MTO1: variants seen among roughly 807,000 people sequenced by gnomAD.
MTO1 encodes mitochondrial tRNA translation optimization 1, also known as 5-taurinomethyluridine-[tRNA] synthase subunit MTO1, mitochondrial.
A neutral mutation model predicts 71.6 loss-of-function variants in MTO1; 46 were observed. That is an observed-to-expected ratio of 0.64 (90% confidence interval 0.51 to 0.82). The LOEUF (loss-of-function observed/expected upper bound fraction) is 0.82, where lower values mean the gene tolerates loss of function less well. Among genes scored for constraint, MTO1 ranks in the 40% least tolerant of loss-of-function variants. The pLI, the probability that MTO1 is intolerant of heterozygous loss-of-function variation, is 0.00. For missense variants in MTO1, 773 were observed against 867.5 expected (o/e 0.89, Z 1.37); for synonymous variants, 297 against 312.1 (o/e 0.95, Z 0.51).
Position 73,466,327 on chromosome 6 carries a change from A to C in MTO1, c.336A>C (p.Lys112Asn), listed in dbSNP as rs768224124. 2.5e-6 allele frequency: 4 copies of C among 1,614,200 alleles called. No homozygotes were observed. The South Asian group carries it at 4.4e-5, about 18-fold the overall frequency. ...RICDQSGVHY[K>N]VLNRRKGPAV... is the part of the protein sequence containing the mutation. ...GTGACCAGTCTGGTGTACATTATAAAGTATTAAACCGGCGTAAGGGACCAG... is the reference window on the plus strand; with the variant it reads ...GTGACCAGTCTGGTGTACATTATAACGTATTAAACCGGCGTAAGGGACCAG... Residue 112 changes from lysine to asparagine, a missense_variant, in exon 2 of 12, where the codon AAA becomes AAC. By Grantham distance (94) the Lys-to-Asn change is moderately conservative (BLOSUM62 0). Transcript: ENST00000498286.
intron 9 of MTO1, among the ~76,000 whole-genome samples, chr6:73,491,811 C>G (rs1771814809): frequency 6.6e-6 from 1 of 152,212 alleles, no homozygotes; most frequent in African/African-American, 2.4e-5. Context: ...CATTTGCTCA[C>G]TATACTTAGA....
At chr6:73,482,759 T>C (rs1387517453) in intron 9 of MTO1, 139 bp downstream of exon 9, 2 of 568,254 alleles carry the variant, frequency 3.5e-6, no homozygotes, top group African/African-American at 3.9e-5. Context: ...CTTTTCAAAA[T>C]CCGTTAGCTG....
chr6:73,488,651 T>C (rs1258925963), intron 9 of MTO1, among the ~76,000 whole-genome samples: 1 of 151,920 alleles, frequency 6.6e-6, no homozygotes, highest in Non-Finnish European at 1.5e-5. Context: ...AGCTTGTGCC[T>C]GTAATTTCAG....
At chr6:73,470,203 T>G (rs1771110248) in intron 3 of MTO1, among the ~76,000 whole-genome samples, 1 of 150,972 alleles carries the variant, frequency 6.6e-6, no homozygotes, top group Non-Finnish European at 1.5e-5. Context: ...TTTATTTTTA[T>G]TTTTTCTTTT....
intron 3 of MTO1, among the ~76,000 whole-genome samples, chr6:73,472,098 C>T (rs1771174691): frequency 6.6e-6 from 1 of 152,148 alleles, no homozygotes. Flanking sequence ...AGTTCTTATT[C>T]TCAGTTCTCT....
At position 73,504,368 on chromosome 6, in the gene MTO1, T is replaced by G. The variant is rs556038911; in HGVS notation, c.*3633T>G. The G allele has an allele frequency of 1.3e-5, 2 of 152,360 alleles. No individual in the cohort carries two copies. Among genetic ancestry groups the G allele is most frequent in the African/African-American group, 4.8e-5 (2 of 41,570 alleles). 9.4% of individuals were successfully genotyped at this position (152,360 alleles called of 1,614,324 possible). On this transcript the variant is annotated 3_prime_UTR_variant, in exon 12 of 12. Transcript: ENST00000498286. The stretch of plus-strand genomic sequence containing the variant: ...CTGGTCTCAAAGTCCTGGGCTCAAT[T>G]AATCCTCCCTCTTCAGCCTCCTGTG...
rs761615525 is a variant in MTO1 at position 73,462,078 on chromosome 6, A to T, written c.217+7A>T. The T allele has an allele frequency of 1.9e-6, 3 of 1,612,102 alleles. No homozygotes were observed. Among genetic ancestry groups the T allele is most frequent in the East Asian group, 2.2e-5 (1 of 44,850 alleles). On this transcript the variant is annotated splice_region_variant and intron_variant, in intron 1 of 11. Transcript: ENST00000498286. Reference sequence around the variant, plus strand: ...CACCGCGTGGACACGATCGGTGAGGAGCGCGGGTGCTGTGGAACTTGGCGT... The same window carrying T: ...CACCGCGTGGACACGATCGGTGAGGTGCGCGGGTGCTGTGGAACTTGGCGT...
chr6:73,477,093 T>A (rs78128297), intron 4 of MTO1, among the ~76,000 whole-genome samples: 10,014 of 150,274 alleles, frequency 0.067, 459 homozygotes, highest in East Asian at 0.19. Context: ...GACCAAAAAA[T>A]TTTTTTAAAG....
Position 73,497,825 on chromosome 6 carries a change from T to A in MTO1, c.1846T>A (p.Tyr616Asn). 6.2e-7 allele frequency: 1 copy of A among 1,613,950 alleles called. No individual in the cohort carries two copies. The highest frequency in any genetic ancestry group is 1.3e-5 in the African/African-American group (1 of 75,046). Residue 616 changes from tyrosine (Y) to asparagine (N), a missense_variant, in exon 11 of 12, where the codon TAT (tyrosine) becomes AAT (asparagine). Coordinates refer to ENST00000498286, the MANE Select transcript of MTO1 (RefSeq NM_012123.4). ...TCTCCAACTGCCAAAAGACCTAGAT[T>A]ATTTGACTATCAGGGATGTGTCTTT... ...EALQLPKDLD[Y>N]LTIRDVSLSH...
In MTO1 at chr6:73,492,263, T is replaced by G. The variant is rs185347132; in HGVS notation, c.1667T>G (p.Val556Gly). 6.2e-7 allele frequency: 1 copy of G among 1,613,604 alleles called. No homozygotes were observed. The highest frequency in any genetic ancestry group is 1.3e-5 in the African/African-American group (1 of 74,924). Reference sequence around the variant, plus strand: ...CTCGATGTTCTGAAGTATGAGGAAGTTGACATGGATTCATTAGCCAAGGCT... The same window carrying G: ...CTCGATGTTCTGAAGTATGAGGAAGGTGACATGGATTCATTAGCCAAGGCT... ...RALDVLKYEEVDMDSLAKAVP... is the reference protein window; with the variant it reads ...RALDVLKYEEGDMDSLAKAVP... Residue 556 changes from valine to glycine, a missense_variant, in exon 10 of 12, where the codon GTT becomes GGT. Val to Gly is a moderately radical substitution (Grantham distance 109). Coordinates refer to ENST00000498286, the MANE Select transcript of MTO1 (RefSeq NM_012123.4).
chr6:73,498,834 C>T (rs1390587743), intron 11 of MTO1, among the ~76,000 whole-genome samples: 3 of 152,006 alleles, frequency 2.0e-5, no homozygotes, highest in Admixed American at 2.0e-4. Context: ...AAGCGATTCC[C>T]CTACCTCAGC....
At chr6:73,493,588 A>G (rs1265371016) in intron 10 of MTO1, among the ~76,000 whole-genome samples, 5 of 151,286 alleles carry the variant, frequency 3.3e-5, no homozygotes, top group Non-Finnish European at 5.9e-5. Context: ...ACAGGGTTTC[A>G]TCACATTGGC....
intron 9 of MTO1, among the ~76,000 whole-genome samples, chr6:73,485,931 C>T (rs1239970316): frequency 5.4e-5 from 8 of 147,206 alleles, no homozygotes; most frequent in African/African-American, 1.5e-4. Context: ...TGCACCTATG[C>T]GTAACACATA....
chr6:73,464,406 T>C (rs896439689), intron 1 of MTO1, among the ~76,000 whole-genome samples: 10 of 152,042 alleles, frequency 6.6e-5, no homozygotes, highest in African/African-American at 2.4e-4. Flanking sequence ...AGATATCTCT[T>C]TCACACACAC....
At chr6:73,490,230 T>C (rs2150041366) in intron 9 of MTO1, among the ~76,000 whole-genome samples, 1 of 152,172 alleles carries the variant, frequency 6.6e-6, no homozygotes, top group East Asian at 1.9e-4. Flanking sequence ...TTTCTCCCAT[T>C]CTGTAGGTTG....
rs1048805060 is a variant in MTO1, at chr6:73,507,791, C to T, written c.*7056C>T. Reference sequence around the variant, plus strand: ...AGGAAATAGAGACCATCCTGGCTAACATGGTGAAACCCCGTGTCTACTAAA... The same window carrying T: ...AGGAAATAGAGACCATCCTGGCTAATATGGTGAAACCCCGTGTCTACTAAA... On this transcript the variant is annotated 3_prime_UTR_variant, in exon 12 of 12. Coordinates refer to ENST00000498286, the MANE Select transcript of MTO1 (RefSeq NM_012123.4). 11 of 152,214 alleles carry T rather than the reference C, an allele frequency of 7.2e-5. No individual in the cohort carries two copies. Among genetic ancestry groups the T allele is most frequent in the Admixed American group, 1.3e-4 (2 of 15,268 alleles). 9.4% of individuals were successfully genotyped at this position (152,214 alleles called of 1,614,324 possible).
At chr6:73,462,579 A>C (rs1770857254) in intron 1 of MTO1, among the ~76,000 whole-genome samples, 1 of 151,952 alleles carries the variant, frequency 6.6e-6, no homozygotes, top group South Asian at 2.1e-4. Context: ...AAATACAAAA[A>C]TTAGCCGGGC....
intron 1 of MTO1, chr6:73,462,316 G>A (rs2150024784): frequency 1.2e-5 from 7 of 565,608 alleles, no homozygotes; most frequent in South Asian, 9.2e-5. Flanking sequence ...GGAGGTTGGG[G>A]TTCGGGGTCA....
chr6:73,466,394 A>G lies in MTO1; in HGVS notation c.403A>G (p.Lys135Glu), dbSNP rs778681472. Residue 135 changes from lysine to glutamate, a missense_variant, in exon 2 of 12, where the codon AAA (lysine) becomes GAA (glutamate). By Grantham distance (56) the Lys-to-Glu change is moderately conservative. Coordinates refer to ENST00000498286, the MANE Select transcript of MTO1 (RefSeq NM_012123.4). ...LRAQIDRKLY[K>E]QNMQKEILNT... ...AGCTCAGATTGATAGGAAACTCTAT[A>G]AACAGAACATGCAGGTAAGAATAGG... 2 of 1,614,178 alleles carry G rather than the reference A, an allele frequency of 1.2e-6. No individual in the cohort carries two copies. Among genetic ancestry groups the G allele is most frequent in the South Asian group, 2.2e-5 (2 of 91,084 alleles).
Sources: gnomAD v4.1 joint callset for allele counts (sites outside exome capture counted in the v4.1 genomes callset) on GRCh38, gnomAD v4.1.1 for gene constraint, MANE v1.5 for transcripts, NCBI Gene and HGNC (gene_info 2026-07-23, HGNC 2026-07-21) for gene names.